ATP8A2: variants seen among roughly 807,000 people sequenced by gnomAD.
The protein encoded by ATP8A2 is ATPase phospholipid transporting 8A2, also known as phospholipid-transporting ATPase IB.
A neutral mutation model predicts 165.6 loss-of-function variants in ATP8A2; 100 were observed. The observed-to-expected ratio is 0.60, with a 90% CI of 0.51 to 0.71. The LOEUF is 0.71. Ranked by LOEUF, ATP8A2 falls within the 30% of genes least tolerant of loss-of-function variation. The probability of loss-of-function intolerance (pLI) is 0.00; values close to 1 mark genes in which losing one functional copy is unlikely to be tolerated. For missense variants in ATP8A2, 1,227 were observed against 1,479.5 expected (o/e 0.83, Z 2.80); for synonymous variants, 543 against 548.8 (o/e 0.99, Z 0.15).
At chr13:25,792,990 G>T (rs1287193958) in intron 27 of ATP8A2, among the ~76,000 whole-genome samples, 1 of 149,192 alleles carries the variant, frequency 6.7e-6, no homozygotes, top group Non-Finnish European at 1.5e-5. Flanking sequence ...GGAGAGGAGG[G>T]ATAGGGGAGA....
chr13:25,698,283 T>G (rs1386203279), intron 24 of ATP8A2, among the ~76,000 whole-genome samples: 1 of 151,896 alleles, frequency 6.6e-6, no homozygotes, highest in African/African-American at 2.4e-5. Context: ...TGGAGTGGTG[T>G]GCTCAGTGTT....
At chr13:25,457,537 C>T (rs2035396511) in intron 1 of ATP8A2, among the ~76,000 whole-genome samples, 1 of 152,168 alleles carries the variant, frequency 6.6e-6, no homozygotes, top group African/African-American at 2.4e-5. Flanking sequence ...AATAAGCATG[C>T]TCCTCATATG....
chr13:25,947,680 G>C (rs1955248698), intron 33 of ATP8A2, among the ~76,000 whole-genome samples: 1 of 152,208 alleles, frequency 6.6e-6, no homozygotes, highest in South Asian at 2.1e-4. Flanking sequence ...TGTGGAAGCA[G>C]CTGAGGCTCT....
At chr13:25,468,674 C>A in intron 1 of ATP8A2, 1 of 300,636 alleles carries the variant, frequency 3.3e-6, no homozygotes, top group Non-Finnish European at 4.9e-6. Flanking sequence ...CCAGCCCGGC[C>A]CGGTCCCTGC....
intron 25 of ATP8A2, among the ~76,000 whole-genome samples, chr13:25,701,209 C>T (rs1259117498): frequency 6.6e-6 from 1 of 152,046 alleles, no homozygotes; most frequent in African/African-American, 2.4e-5. Context: ...CTATCTTTTT[C>T]TTTTGTGCTT....
intron 1 of ATP8A2, among the ~76,000 whole-genome samples, chr13:25,380,487 GA>G (rs761538681): frequency 3.9e-5 from 6 of 151,984 alleles, no homozygotes; most frequent in Non-Finnish European, 8.8e-5. Flanking sequence ...GACTTAGTAT[GA>G]AAAAGGAAAA....
intron 25 of ATP8A2, among the ~76,000 whole-genome samples, chr13:25,705,617 G>A (rs1218062843): frequency 2.6e-5 from 4 of 152,172 alleles, no homozygotes; most frequent in African/African-American, 7.2e-5. Flanking sequence ...CCGAGTGGAC[G>A]CACTGAATGT....
intron 24 of ATP8A2, among the ~76,000 whole-genome samples, chr13:25,636,979 A>G (rs2041383669): frequency 6.6e-6 from 1 of 150,492 alleles, no homozygotes; most frequent in Non-Finnish European, 1.5e-5. Flanking sequence ...AGTCTCAGCT[A>G]CTCAAGAGGT....
intron 33 of ATP8A2, among the ~76,000 whole-genome samples, chr13:25,955,921 T>C (rs961076512): frequency 6.6e-6 from 1 of 152,164 alleles, no homozygotes. Context: ...AAAAAACTTA[T>C]CTATTACCAT....
At chr13:25,470,130 G>T (rs895186318) in intron 2 of ATP8A2, among the ~76,000 whole-genome samples, 17 of 152,174 alleles carry the variant, frequency 1.1e-4, no homozygotes, top group African/African-American at 3.6e-4. Context: ...TTGTACAAAT[G>T]ACTTAGCCTG....
Position 25,779,848 on chromosome 13 carries a change from T to A in ATP8A2, c.2679+4889T>A, listed in dbSNP as rs146977468. ...AGGGGTAAAGAGGTTAGGAAAGGATTCCTATAAATTTTTGAAGTCTTGACT... is the reference window on the plus strand; with the variant it reads ...AGGGGTAAAGAGGTTAGGAAAGGATACCTATAAATTTTTGAAGTCTTGACT... On this transcript the variant is annotated intron_variant, in intron 27 of 36. Coordinates refer to ENST00000381655, the MANE Select transcript of ATP8A2 (RefSeq NM_016529.6). Among the ~76,000 whole-genome samples the A allele has an allele frequency of 1.3e-3, 202 of 152,324 alleles. 1 individual carries two copies. The highest frequency in any genetic ancestry group is 4.6e-3 in the African/African-American group (191 of 41,574).
intron 25 of ATP8A2, among the ~76,000 whole-genome samples, chr13:25,735,755 T>G (rs1184290339): frequency 6.6e-6 from 1 of 152,202 alleles, no homozygotes; most frequent in Non-Finnish European, 1.5e-5. Flanking sequence ...GAAAATTCCT[T>G]TCACTTGGTG....
chr13:25,599,589 C>T (rs891540209), intron 24 of ATP8A2, among the ~76,000 whole-genome samples: 1 of 152,206 alleles, frequency 6.6e-6, no homozygotes. Flanking sequence ...AGTTTAAAGA[C>T]CTGTATCACT....
chr13:26,025,087 A>G lies in ATP8A2; in HGVS notation c.*5102A>G, dbSNP rs1014862633. On this transcript the variant is annotated 3_prime_UTR_variant, in exon 37 of 37. Transcript: ENST00000381655. ...TAAGAGATAGCCTGATATGTGGTTT[A>G]TAGGTGAATCAATAAACACCAACAA... 2.2e-5 allele frequency: 3 copies of G among 139,296 alleles called. No homozygotes were observed. The highest frequency in any genetic ancestry group is 4.2e-4 in the East Asian group (2 of 4,772). The allele number at this position is 139,296 out of a possible 1,614,324, so 8.6% of individuals were successfully genotyped here. A position where few individuals can be genotyped will look rare whatever the true frequency, so the allele number is the denominator to read the frequency against.
intron 33 of ATP8A2, chr13:25,927,280 G>T (rs990861626): frequency 4.4e-6 from 2 of 453,794 alleles, no homozygotes; most frequent in African/African-American, 4.0e-5. Context: ...TATCACCTTT[G>T]TTGAACAAAA....
intron 27 of ATP8A2, among the ~76,000 whole-genome samples, chr13:25,778,125 C>G (rs1202892686): frequency 1.3e-5 from 2 of 152,188 alleles, no homozygotes; most frequent in Admixed American, 6.5e-5. Context: ...ATCTATTCAG[C>G]CATTCCCTGC....
At chr13:25,528,669 T>C (rs1205375693) in intron 2 of ATP8A2, among the ~76,000 whole-genome samples, 1 of 152,172 alleles carries the variant, frequency 6.6e-6, no homozygotes, top group African/African-American at 2.4e-5. Context: ...ATCTTTTTTT[T>C]ATTTATTATA....
intron 12 of ATP8A2, 48 bp downstream of exon 12, chr13:25,553,968 G>C (rs1299885817): frequency 6.3e-7 from 1 of 1,576,592 alleles, no homozygotes; most frequent in East Asian, 2.2e-5. Context: ...TGCTATTTCA[G>C]AGCCTTTGGC....
chr13:25,937,557 G>C (rs1475591474), intron 33 of ATP8A2, among the ~76,000 whole-genome samples: 1 of 151,004 alleles, frequency 6.6e-6, no homozygotes. Context: ...ACAATTAAAA[G>C]GAACAAAGAC....
Sources: gnomAD v4.1 joint callset for allele counts (sites outside exome capture counted in the v4.1 genomes callset) on GRCh38, gnomAD v4.1.1 for gene constraint, MANE v1.5 for transcripts, NCBI Gene and HGNC (gene_info 2026-07-23, HGNC 2026-07-21) for gene names.